The following MAN1C1 variants were observed in gnomAD, a reference collection of about 807,000 sequenced individuals.
MAN1C1 encodes the protein mannosyl-oligosaccharide 1,2-alpha-mannosidase IC.
Under a neutral mutation model 71.5 loss-of-function variants are expected in MAN1C1, and 49 were observed. The ratio of observed to expected loss-of-function variants is 0.69; its 90% CI spans 0.54 to 0.87. The LOEUF is 0.87. Ranked by LOEUF, MAN1C1 falls within the 40% of genes least tolerant of loss-of-function variation. MAN1C1 has a pLI of 0.00. For synonymous variants in MAN1C1, 352 were observed against 343.7 expected (o/e 1.02, Z -0.27); for missense variants, 743 against 835.0 (o/e 0.89, Z 1.36).
chr1:25,756,671 G>A (rs1267549212), intron 5 of MAN1C1, among the ~76,000 whole-genome samples: 1 of 152,110 alleles, frequency 6.6e-6, no homozygotes, highest in African/African-American at 2.4e-5. Flanking sequence ...GGGTGAGTGC[G>A]GGGCTGTCTT....
At chr1:25,657,044 C>G (rs1319812686) in intron 1 of MAN1C1, among the ~76,000 whole-genome samples, 1 of 152,150 alleles carries the variant, frequency 6.6e-6, no homozygotes, top group Non-Finnish European at 1.5e-5. Flanking sequence ...CCAGGATGGT[C>G]TCGATCTCCT....
At chr1:25,701,101 G>A (rs554401106) in intron 2 of MAN1C1, among the ~76,000 whole-genome samples, 18 of 152,374 alleles carry the variant, frequency 1.2e-4, no homozygotes, top group African/African-American at 4.3e-4. Context: ...CAGTTGTCAA[G>A]GATCATTTTA....
At position 25,617,220 on chromosome 1, in the gene MAN1C1, T is replaced by A. The variant is rs1388185664; in HGVS notation, c.-578T>A. On this transcript the variant is annotated 5_prime_UTR_variant, in exon 1 of 12. Coordinates refer to ENST00000374332, the MANE Select transcript of MAN1C1 (RefSeq NM_020379.4). This position sits in a 1 kb window ranked among gnomAD's most constrained non-coding sequence, Gnocchi z 5.1. ...GAAAGTTGTGGACGTGTCCCGATAG[T>A]CGAGCCCGGGCGCTGTCGCGACCGG... Among the ~76,000 whole-genome samples the A allele has an allele frequency of 6.6e-6, 1 of 150,980 alleles. No individual in the cohort carries two copies. Among genetic ancestry groups the A allele is most frequent in the East Asian group, 2.0e-4 (1 of 4,944 alleles).
intron 1 of MAN1C1, among the ~76,000 whole-genome samples, chr1:25,632,923 A>G (rs2045405373): frequency 7.2e-6 from 1 of 138,650 alleles, no homozygotes; most frequent in Non-Finnish European, 1.5e-5. Flanking sequence ...TCTGGAGTGC[A>G]GTGGCACAAT....
intron 2 of MAN1C1, among the ~76,000 whole-genome samples, chr1:25,704,906 G>C (rs955975147): frequency 1.3e-5 from 2 of 152,234 alleles, no homozygotes; most frequent in African/African-American, 4.8e-5. Flanking sequence ...AGGATAGCTG[G>C]AGACACTTGC....
intron 2 of MAN1C1, among the ~76,000 whole-genome samples, chr1:25,729,484 T>A (rs1026883999): frequency 6.6e-6 from 1 of 151,804 alleles, no homozygotes; most frequent in Non-Finnish European, 1.5e-5. Flanking sequence ...CTTCTTTTTT[T>A]TTTTTTTGAG....
chr1:25,627,866 C>CT (rs1034966318), intron 1 of MAN1C1, among the ~76,000 whole-genome samples: 3 of 139,596 alleles, frequency 2.1e-5, no homozygotes, highest in African/African-American at 5.8e-5. Flanking sequence ...AACCCAATCT[C>CT]TAAAAAAAAA....
At chr1:25,740,989 A>G (rs2047055496) in intron 2 of MAN1C1, among the ~76,000 whole-genome samples, 1 of 151,976 alleles carries the variant, frequency 6.6e-6, no homozygotes, top group African/African-American at 2.4e-5. Context: ...GACAGGGTCA[A>G]GGGTTGGGGG....
chr1:25,778,127 A>G lies in MAN1C1; in HGVS notation c.1280A>G (p.Asn427Ser). 6.4e-7 allele frequency: 1 copy of G among 1,573,990 alleles called. No individual in the cohort carries two copies. Among genetic ancestry groups the G allele is most frequent in the African/African-American group, 1.4e-5 (1 of 73,762 alleles). ...CAGGCGATAGAGACCTACTTGCTGAATGTCTCTCCCGGGGGGCTGACCTAC... is the reference window on the plus strand; with the variant it reads ...CAGGCGATAGAGACCTACTTGCTGAGTGTCTCTCCCGGGGGGCTGACCTAC... The part of the protein sequence containing the change: ...ALEAIETYLL[N>S]VSPGGLTYIA... Residue 427 changes from asparagine to serine, a missense_variant, in exon 9 of 12, where the codon AAT becomes AGT. Physicochemically the swap from Asn to Ser is conservative, Grantham distance 46. Transcript: ENST00000374332. The surrounding 1 kb of genome is among the most constrained non-coding windows in gnomAD (Gnocchi z 5.5).
intron 1 of MAN1C1, chr1:25,644,519 T>TATATATATATA (rs1553182595): frequency 3.4e-5 from 2 of 58,442 alleles, no homozygotes; most frequent in Admixed American, 2.2e-4. Context: ...TATATATATA[T>TATATATATATA]TTTTTTTTTT....
chr1:25,657,418 G>A (rs1022000952), intron 1 of MAN1C1, among the ~76,000 whole-genome samples: 6 of 152,326 alleles, frequency 3.9e-5, no homozygotes, highest in African/African-American at 7.2e-5. Flanking sequence ...GCCATGAAGC[G>A]TGGCCCTGAG....
chr1:25,637,622 A>C (rs1411404885), intron 1 of MAN1C1, among the ~76,000 whole-genome samples: 3 of 151,486 alleles, frequency 2.0e-5, no homozygotes, highest in Non-Finnish European at 4.4e-5. Context: ...GTCTACTTTT[A>C]AAATCTTTTA....
At chr1:25,731,631 G>T (rs544335810) in intron 2 of MAN1C1, among the ~76,000 whole-genome samples, 1 of 152,136 alleles carries the variant, frequency 6.6e-6, no homozygotes, top group Non-Finnish European at 1.5e-5. Context: ...TCTGTCTCAG[G>T]CTCCTTCCTC....
chr1:25,621,631 GT>G (rs1352668461), intron 1 of MAN1C1, among the ~76,000 whole-genome samples: 4 of 148,046 alleles, frequency 2.7e-5, no homozygotes, highest in African/African-American at 2.5e-5. Flanking sequence ...GTTTGTGTTT[GT>G]TTTTTTTTTA....
At chr1:25,723,410 G>T (rs1040752674) in intron 2 of MAN1C1, among the ~76,000 whole-genome samples, 2 of 152,146 alleles carry the variant, frequency 1.3e-5, no homozygotes, top group Non-Finnish European at 2.9e-5. Flanking sequence ...GAGCCTTTGG[G>T]GTTTTCTAGC....
intron 1 of MAN1C1, among the ~76,000 whole-genome samples, chr1:25,665,346 T>C (rs1278458400): frequency 6.6e-6 from 1 of 152,150 alleles, no homozygotes; most frequent in Non-Finnish European, 1.5e-5. Flanking sequence ...AAAAAGCTAT[T>C]TTAAGAATTG....
chr1:25,715,319 G>T (rs1488833182), intron 2 of MAN1C1, among the ~76,000 whole-genome samples: 3 of 152,104 alleles, frequency 2.0e-5, no homozygotes, highest in African/African-American at 7.2e-5. Context: ...CCCATTGCTG[G>T]GGTCAAGGCA....
chr1:25,665,414 C>CA (rs1212838158), intron 1 of MAN1C1, among the ~76,000 whole-genome samples: 1 of 152,124 alleles, frequency 6.6e-6, no homozygotes, highest in African/African-American at 2.4e-5. Context: ...CCTACATCTT[C>CA]AAAAAGACTT....
Position 25,616,836 on chromosome 1 carries a change from G to A in MAN1C1, c.-962G>A, listed in dbSNP as rs1181490011. 1.3e-5 allele frequency among the ~76,000 whole-genome samples: 2 copies of A among 148,614 alleles called. No individual in the cohort carries two copies. The highest frequency in any genetic ancestry group is 4.9e-5 in the African/African-American group (2 of 41,038). On this transcript the variant is annotated 5_prime_UTR_variant, in exon 1 of 12. Coordinates refer to ENST00000374332, the MANE Select transcript of MAN1C1 (RefSeq NM_020379.4). The surrounding 1 kb of genome is among the most constrained non-coding windows in gnomAD (Gnocchi z 5.6). ...CGGCGGCGGGGACGGCGGTGGAGGC[G>A]GCCGGGTGGCTGTGCGCGCGTGTGG...
Sources: gnomAD v4.1 joint callset for allele counts (sites outside exome capture counted in the v4.1 genomes callset) on GRCh38, gnomAD v4.1.1 for gene constraint, Gnocchi (gnomAD v3.1) non-coding constraint, MANE v1.5 for transcripts, NCBI Gene and HGNC (gene_info 2026-07-23, HGNC 2026-07-21) for gene names.